Variants in ATP13A3 observed in about 807,000 individuals in gnomAD.
ATP13A3 encodes the protein ATPase 13A3, also known as polyamine-transporting ATPase 13A3.
Under a neutral mutation model 158.1 loss-of-function variants are expected in ATP13A3, and 59 were observed. The ratio of observed to expected loss-of-function variants is 0.37; its 90% CI spans 0.30 to 0.46. The LOEUF is 0.46. Ranked by LOEUF, ATP13A3 falls within the 20% of genes least tolerant of loss-of-function variation. The pLI is 1.00. For synonymous variants in ATP13A3, 491 were observed against 504.3 expected (o/e 0.97, Z 0.35); for missense variants, 1,166 against 1,525.2 (o/e 0.76, Z 3.92).
upstream of ATP13A3, among the ~76,000 whole-genome samples, chr3:194,489,950 G>A (rs1386184610): frequency 6.6e-6 from 1 of 152,160 alleles, no homozygotes; most frequent in Non-Finnish European, 1.5e-5. The surrounding 1 kb of genome is among the most constrained non-coding windows in gnomAD (Gnocchi z 4.1). Flanking sequence ...TGGTTCTCAA[G>A]TCATGATGAT....
At chr3:194,459,732 G>A in intron 5 of ATP13A3, 57 bp downstream of exon 5, 1 of 1,521,466 alleles carries the variant, frequency 6.6e-7, no homozygotes, top group Non-Finnish European at 8.9e-7. Flanking sequence ...ATACATGATA[G>A]CATAAAATGT....
intron 22 of ATP13A3, 71 bp downstream of exon 22, chr3:194,431,646 C>T: frequency 7.2e-7 from 1 of 1,381,242 alleles, no homozygotes; most frequent in Non-Finnish European, 9.5e-7. Flanking sequence ...TTTAATGCAC[C>T]ACTTTTTTTA....
chr3:194,447,315 A>T (rs1356238089), intron 13 of ATP13A3, among the ~76,000 whole-genome samples, 200 bp from the exon 14 acceptor site: 1 of 152,218 alleles, frequency 6.6e-6, no homozygotes, highest in Non-Finnish European at 1.5e-5. Flanking sequence ...TCAATGGATT[A>T]TAGAATGACA....
intron 2 of ATP13A3, among the ~76,000 whole-genome samples, chr3:194,483,714 G>A (rs527864597): frequency 2.6e-4 from 39 of 152,328 alleles, no homozygotes; most frequent in African/African-American, 9.1e-4. Context: ...CTTGGATCCA[G>A]ATGAGATATG....
In ATP13A3 at chr3:194,442,418, CGA is replaced by C. The variant is rs1560092275; in HGVS notation, c.1560-959_1560-958del. On this transcript the variant is annotated intron_variant, in intron 15 of 33. Transcript: ENST00000645319. ...TTCAAAACCAGCCTGGGAAATATAG[CGA>C]GACACCCATACCAATTCCTATGTTT... Among the ~76,000 whole-genome samples, 4 of 152,048 alleles carry C rather than the reference CGA, an allele frequency of 2.6e-5. No individual in the cohort carries two copies. In the East Asian group the frequency reaches 5.8e-4, roughly 22 times the overall value.
At chr3:194,441,582 AAGAAAG>A in intron 15 of ATP13A3, 121 bp from the exon 16 acceptor site, 1 of 858,312 alleles carries the variant, frequency 1.2e-6, no homozygotes, top group South Asian at 2.0e-5. Flanking sequence ...CTGAGCTCCT[AAGAAAG>A]AGAAACTGTC....
At chr3:194,463,064 C>A (rs1036863728) in intron 2 of ATP13A3, among the ~76,000 whole-genome samples, 1 of 152,206 alleles carries the variant, frequency 6.6e-6, no homozygotes, top group Admixed American at 6.5e-5. Context: ...CCAAAAACTT[C>A]TCAGAGATTA....
intron 17 of ATP13A3, among the ~76,000 whole-genome samples, chr3:194,437,890 T>C (rs1717771794): frequency 6.6e-6 from 1 of 152,240 alleles, no homozygotes; most frequent in African/African-American, 2.4e-5. Flanking sequence ...CTGGGCGCAG[T>C]GGCTCACCCC....
chr3:194,429,186 T>A (rs1388531806), intron 27 of ATP13A3, among the ~76,000 whole-genome samples: 1 of 152,204 alleles, frequency 6.6e-6, no homozygotes, highest in African/African-American at 2.4e-5. Flanking sequence ...CCCAGCACTT[T>A]GGGAGGCCGA....
At chr3:194,471,007 A>C (rs1296790668) in intron 2 of ATP13A3, among the ~76,000 whole-genome samples, 1 of 152,184 alleles carries the variant, frequency 6.6e-6, no homozygotes, top group Non-Finnish European at 1.5e-5. Flanking sequence ...GGGAGTGAGG[A>C]AGAGACACTA....
intron 7 of ATP13A3, 133 bp downstream of exon 7, chr3:194,456,961 A>G (rs1719273925): frequency 2.0e-6 from 1 of 500,566 alleles, no homozygotes; most frequent in South Asian, 4.5e-5. Context: ...AAACATCAAT[A>G]AATTCTCAAC....
chr3:194,443,550 T>C (rs778153513), intron 15 of ATP13A3, among the ~76,000 whole-genome samples: 2 of 152,138 alleles, frequency 1.3e-5, no homozygotes, highest in African/African-American at 2.4e-5. Flanking sequence ...TATAGAGCTA[T>C]ATAATTATAA....
Position 194,480,737 on chromosome 3 carries a change from C to A in ATP13A3, c.-47+5057G>T, listed in dbSNP as rs187389032. ...ACATCATATATGCACTTAATTAAAA[C>A]CAATTCAACTACTTACACTCTGGGG... On this transcript the variant is annotated intron_variant, in intron 2 of 33. Transcript: ENST00000645319. 3.9e-5 allele frequency among the ~76,000 whole-genome samples: 6 copies of A among 152,190 alleles called. No individual in the cohort carries two copies. The East Asian group carries it at 1.2e-3, about 29-fold the overall frequency.
Position 194,450,266 on chromosome 3 carries a change from T to G in ATP13A3, c.849A>C (p.Glu283Asp), listed in dbSNP as rs760887223. 1 of 1,610,802 alleles carries G rather than the reference T, an allele frequency of 6.2e-7. No individual in the cohort carries two copies. Among genetic ancestry groups the G allele is most frequent in the Admixed American group, 1.7e-5 (1 of 59,450 alleles). Residue 283 changes from glutamate to aspartate, a missense_variant, in exon 11 of 34, where the codon GAA becomes GAC. By Grantham distance (45) the Glu-to-Asp change is conservative. This residue lies in a region of ATP13A3 where 997 missense variants were observed against 1,341.2 expected (regional missense o/e 0.74). Coordinates refer to ENST00000645319, the MANE Select transcript of ATP13A3 (RefSeq NM_001367549.1). ...SVCRVNEEIE[E>D]IFSTDLVPGD... ...CTGGCACAAGGTCGGTAGAAAAGAT[T>G]TCTTCTATTTCTGAAATTAAAGAAA...
At chr3:194,471,038 C>A (rs73073138) in intron 2 of ATP13A3, among the ~76,000 whole-genome samples, 17,280 of 152,108 alleles carry the variant, frequency 0.11, 2,580 homozygotes, top group African/African-American at 0.34. Context: ...AATGCCTTCC[C>A]GAAGGAAGAC....
rs964676771 is a variant in ATP13A3 at position 194,494,279 on chromosome 3, T to G, written n.517A>C. The stretch of plus-strand genomic sequence containing the variant: ...AGCACACAGCGGTAGTCAGAAAGTA[T>G]GCTGAGTAAGTGGAGAACAAGTTAA... On this transcript the variant is annotated splice_region_variant and non_coding_transcript_exon_variant, in exon 2 of 33. Coordinates refer to the ATP13A3 transcript ENST00000687055. This position sits in a 1 kb window ranked among gnomAD's most constrained non-coding sequence, Gnocchi z 4.2. 1 of 398,606 alleles carries G rather than the reference T, an allele frequency of 2.5e-6. No individual in the cohort carries two copies. Among genetic ancestry groups the G allele is most frequent in the African/African-American group, 2.1e-5 (1 of 48,712 alleles). 24.7% of individuals were successfully genotyped at this position (398,606 alleles called of 1,614,324 possible). A position where few individuals can be genotyped will look rare whatever the true frequency, so the allele number is the denominator to read the frequency against.
At chr3:194,459,767 T>C in intron 5 of ATP13A3, 22 bp downstream of exon 5, 4 of 1,581,868 alleles carry the variant, frequency 2.5e-6, no homozygotes, top group Non-Finnish European at 1.7e-6. Flanking sequence ...TTAAAGAAAC[T>C]TTGACATTAA....
At chr3:194,462,022 G>T in intron 3 of ATP13A3, 118 bp downstream of exon 3, 1 of 867,102 alleles carries the variant, frequency 1.2e-6, no homozygotes, top group Non-Finnish European at 1.9e-6. Context: ...GAAGAAAGAA[G>T]CCCATTGAGT....
intron 16 of ATP13A3, among the ~76,000 whole-genome samples, chr3:194,440,172 C>T (rs750450426): frequency 1.3e-5 from 2 of 152,124 alleles, no homozygotes; most frequent in Non-Finnish European, 2.9e-5. Flanking sequence ...AAAGGGCAAA[C>T]TGAAACCTAT....
Sources: gnomAD v4.1 joint callset for allele counts (sites outside exome capture counted in the v4.1 genomes callset) on GRCh38, gnomAD v4.1.1 for gene constraint, gnomAD v4.1.1 regional missense constraint, Gnocchi (gnomAD v3.1) non-coding constraint, MANE v1.5 for transcripts, NCBI Gene and HGNC (gene_info 2026-07-23, HGNC 2026-07-21) for gene names.